The following HMGN3 variants were observed in gnomAD, a reference collection of about 807,000 sequenced individuals.
HMGN3 encodes the protein high mobility group nucleosome-binding domain-containing protein 3.
A neutral mutation model predicts 18.8 loss-of-function variants in HMGN3; 6 were observed. The observed-to-expected ratio is 0.32, with a 90% CI of 0.18 to 0.63. The LOEUF is 0.63. Ranked by LOEUF, HMGN3 falls within the 30% of genes least tolerant of loss-of-function variation. HMGN3 has a pLI of 0.79. For missense variants in HMGN3, 107 were observed against 114.2 expected, an observed-to-expected ratio of 0.94 and a Z score of 0.29; for synonymous variants, 40 against 36.5, an observed-to-expected ratio of 1.10 and a Z score of -0.35.
intron 3 of HMGN3, 68 bp from the exon 4 acceptor site, chr6:79,203,698 C>G (rs528193132): frequency 8.3e-7 from 1 of 1,199,504 alleles, no homozygotes; most frequent in Non-Finnish European, 1.2e-6. Flanking sequence ...AAAAGAAACA[C>G]AAAAGGACTA....
At chr6:79,224,309 G>A (rs558660313) in intron 1 of HMGN3, among the ~76,000 whole-genome samples, 1 of 152,072 alleles carries the variant, frequency 6.6e-6, no homozygotes, top group East Asian at 1.9e-4. Flanking sequence ...TTCAAAACTG[G>A]GTGCAGATCT....
intron 1 of HMGN3, among the ~76,000 whole-genome samples, chr6:79,216,729 T>C (rs1777005503): frequency 6.6e-6 from 1 of 152,206 alleles, no homozygotes; most frequent in South Asian, 2.1e-4. Context: ...GTGGTAGAGA[T>C]GGCAAAATCT....
intron 1 of HMGN3, among the ~76,000 whole-genome samples, chr6:79,222,733 C>T (rs779644126): frequency 1.4e-4 from 21 of 152,228 alleles, no homozygotes; most frequent in Non-Finnish European, 2.5e-4. Context: ...ATCAAACTTA[C>T]GTTAAATTTA....
At chr6:79,221,697 A>G (rs1777292192) in intron 1 of HMGN3, among the ~76,000 whole-genome samples, 1 of 152,192 alleles carries the variant, frequency 6.6e-6, no homozygotes, top group South Asian at 2.1e-4. Flanking sequence ...ACGGCTTTAG[A>G]TGGCAGCAGT....
At chr6:79,232,874 AC>A (rs1010357210) in intron 1 of HMGN3, among the ~76,000 whole-genome samples, 1 of 152,162 alleles carries the variant, frequency 6.6e-6, no homozygotes, top group Non-Finnish European at 1.5e-5. Flanking sequence ...TCCATCATTA[AC>A]CCTCAGTCAA....
chr6:79,212,205 G>T (rs541937437), intron 2 of HMGN3, among the ~76,000 whole-genome samples: 1 of 152,122 alleles, frequency 6.6e-6, no homozygotes, highest in Non-Finnish European at 1.5e-5. Flanking sequence ...TAGGGATAGC[G>T]GATTTTGGAA....
chr6:79,215,409 T>C (rs1366731166), intron 1 of HMGN3, among the ~76,000 whole-genome samples: 1 of 152,220 alleles, frequency 6.6e-6, no homozygotes, highest in African/African-American at 2.4e-5. Flanking sequence ...TCCATTCCTT[T>C]AAGATAAGGG....
chr6:79,210,712 T>C (rs1366636967), intron 2 of HMGN3, among the ~76,000 whole-genome samples: 1 of 152,088 alleles, frequency 6.6e-6, no homozygotes. Flanking sequence ...TGTTAGCCAT[T>C]ACTCAAAACT....
rs114205068 is a variant in HMGN3 at position 79,228,010 on chromosome 6, C to T, written c.15+6536G>A. On this transcript the variant is annotated intron_variant, in intron 1 of 5. Coordinates refer to ENST00000344726, the Ensembl canonical transcript of HMGN3. Reference sequence around the variant, plus strand: ...AACTTGTGCTGATTTAGAAACATGGCGCCAGACAACTTCTGAAACACAACA... The same window carrying T: ...AACTTGTGCTGATTTAGAAACATGGTGCCAGACAACTTCTGAAACACAACA... Among the ~76,000 whole-genome samples the T allele has an allele frequency of 3.5e-3, 527 of 152,234 alleles. 3 individuals are homozygous for T. Among genetic ancestry groups the T allele is most frequent in the African/African-American group, 0.012 (505 of 41,550 alleles).
intron 1 of HMGN3, among the ~76,000 whole-genome samples, chr6:79,228,431 T>C (rs1241730594): frequency 6.6e-6 from 1 of 152,178 alleles, no homozygotes; most frequent in African/African-American, 2.4e-5. Context: ...TTTAACTCAA[T>C]CAAATGGAGC....
At chr6:79,218,315 A>G (rs977148099) in intron 1 of HMGN3, among the ~76,000 whole-genome samples, 1 of 152,226 alleles carries the variant, frequency 6.6e-6, no homozygotes, top group Non-Finnish European at 1.5e-5. Context: ...ACAATATGAT[A>G]CTTAAAAGAG....
chr6:79,201,573 G>A (rs9448657), exon 6 of HMGN3: 68,063 of 700,124 alleles, frequency 0.097, 3,814 homozygotes, highest in African/African-American at 0.16. Flanking sequence ...ATATATTTTC[G>A]TATGCCAACT....
At chr6:79,218,440 G>GAT (rs1352433536) in intron 1 of HMGN3, among the ~76,000 whole-genome samples, 39 of 152,164 alleles carry the variant, frequency 2.6e-4, no homozygotes, top group East Asian at 1.9e-4. Flanking sequence ...TCATCAGAAG[G>GAT]ATATATACAC....
intron 1 of HMGN3, among the ~76,000 whole-genome samples, chr6:79,226,337 G>A (rs1308851303): frequency 6.6e-6 from 1 of 152,138 alleles, no homozygotes; most frequent in Non-Finnish European, 1.5e-5. Flanking sequence ...ACCTCTTGGT[G>A]CTTCAATTTT....
intron 4 of HMGN3, among the ~76,000 whole-genome samples, chr6:79,203,009 G>C (rs913038555): frequency 6.6e-6 from 1 of 152,042 alleles, no homozygotes; most frequent in Non-Finnish European, 1.5e-5. Flanking sequence ...AGCCATTTTG[G>C]GTAAGTTCCC....
chr6:79,221,013 A>G (rs1777255853), intron 1 of HMGN3, among the ~76,000 whole-genome samples: 1 of 152,162 alleles, frequency 6.6e-6, no homozygotes, highest in South Asian at 2.1e-4. Context: ...GTAAATAGGT[A>G]TATTATATTA....
At chr6:79,211,010 G>GTA (rs1776658113) in intron 2 of HMGN3, among the ~76,000 whole-genome samples, 1 of 8,206 alleles carries the variant, frequency 1.2e-4, no homozygotes, top group Admixed American at 2.3e-3. Context: ...GGAAATTAAT[G>GTA]CAAAAAAAAA....
chr6:79,205,219 C>G (rs978290343), intron 3 of HMGN3, among the ~76,000 whole-genome samples: 1 of 152,222 alleles, frequency 6.6e-6, no homozygotes, highest in Admixed American at 6.5e-5. Context: ...TGGAGATTCA[C>G]AACAGCAACC....
At chr6:79,224,007 A>G (rs933882848) in intron 1 of HMGN3, among the ~76,000 whole-genome samples, 1 of 152,242 alleles carries the variant, frequency 6.6e-6, no homozygotes, top group Admixed American at 6.5e-5. Flanking sequence ...GCAAAGGAAA[A>G]GGAGCACAGC....
Sources: allele counts gnomAD v4.1 joint callset (sites outside exome capture counted in the v4.1 genomes callset), GRCh38; gene constraint gnomAD v4.1.1; transcripts MANE v1.5; gene names NCBI Gene and HGNC (gene_info 2026-07-23, HGNC 2026-07-21).